Variants in HDAC9 observed in about 807,000 individuals in gnomAD.
The protein encoded by HDAC9 is histone deacetylase 9.
Under a neutral mutation model 139.4 loss-of-function variants are expected in HDAC9, and 41 were observed. The observed-to-expected ratio is 0.29, with a 90% confidence interval of 0.23 to 0.38. HDAC9 has a LOEUF of 0.38. HDAC9 is among the 10% of genes least tolerant of loss of function. The pLI, the probability that HDAC9 is intolerant of heterozygous loss-of-function variation, is 1.00. For missense variants in HDAC9, 1,147 were observed against 1,297.0 expected, an observed-to-expected ratio of 0.88 and a Z score of 1.78; for synonymous variants, 517 against 476.2, an observed-to-expected ratio of 1.09 and a Z score of -1.12.
chr7:18,264,774 C>T (rs1313698151), intron 2 of HDAC9, among the ~76,000 whole-genome samples: 1 of 152,158 alleles, frequency 6.6e-6, no homozygotes, highest in Non-Finnish European at 1.5e-5. Context: ...TTATTGACAT[C>T]TCAAAGCCCT....
intron 2 of HDAC9, among the ~76,000 whole-genome samples, chr7:18,258,392 T>A (rs1795419157): frequency 6.6e-6 from 1 of 152,172 alleles, no homozygotes; most frequent in African/African-American, 2.4e-5. Context: ...CGAATACTGT[T>A]CTTTAGTGGT....
chr7:18,110,180 A>C (rs115141048), intron 1 of HDAC9, among the ~76,000 whole-genome samples: 11 of 152,298 alleles, frequency 7.2e-5, no homozygotes, highest in African/African-American at 2.6e-4. Flanking sequence ...CTGCAGAACA[A>C]ATGGTTTGTC....
chr7:18,182,416 A>G (rs143772074), intron 2 of HDAC9, among the ~76,000 whole-genome samples: 8 of 152,346 alleles, frequency 5.3e-5, no homozygotes, highest in African/African-American at 1.9e-4. Context: ...AAAGAAGAAT[A>G]GCCAATATGT....
chr7:18,509,022 T>C (rs1471014431), intron 2 of HDAC9, among the ~76,000 whole-genome samples: 1 of 152,218 alleles, frequency 6.6e-6, no homozygotes, highest in East Asian at 1.9e-4. Flanking sequence ...TATAAGGAAG[T>C]ATTTCATGAA....
At chr7:18,413,100 A>G (rs1339861262) in intron 1 of HDAC9, among the ~76,000 whole-genome samples, 3 of 152,230 alleles carry the variant, frequency 2.0e-5, no homozygotes, top group Admixed American at 6.5e-5. Flanking sequence ...GGCATTCATT[A>G]GTTTTAGCTA....
At chr7:18,243,022 A>C (rs77678783) in intron 2 of HDAC9, among the ~76,000 whole-genome samples, 4 of 126,160 alleles carry the variant, frequency 3.2e-5, no homozygotes, top group African/African-American at 1.2e-4. Context: ...AAAGATGTGG[A>C]AGGTTACTTA....
intron 2 of HDAC9, among the ~76,000 whole-genome samples, chr7:18,172,080 T>G (rs1387996732): frequency 1.3e-5 from 2 of 152,196 alleles, no homozygotes; most frequent in Non-Finnish European, 2.9e-5. Context: ...GTTCTGGACT[T>G]TTTTTGGTTG....
At chr7:18,718,398 A>AT (rs1189976424) in intron 12 of HDAC9, among the ~76,000 whole-genome samples, 3 of 151,258 alleles carry the variant, frequency 2.0e-5, no homozygotes, top group South Asian at 4.2e-4. Flanking sequence ...CGCCTCGCTA[A>AT]TTTTTTTGCA....
Position 18,473,718 on chromosome 7 carries a change from T to C in HDAC9, c.-41-22544T>C, listed in dbSNP as rs193129093. 1.5e-3 allele frequency among the ~76,000 whole-genome samples: 224 copies of C among 152,360 alleles called. 1 individual carries two copies. The highest frequency in any genetic ancestry group is 5.2e-3 in the African/African-American group (215 of 41,580). On this transcript the variant is annotated intron_variant, in intron 1 of 3. Coordinates refer to the HDAC9 transcript ENST00000413509. ...AGCACACTTAAGTTTTCATATCAAA[T>C]AGTAATACAGCTCACCTCTCACTGA...
At chr7:18,876,175 G>A (rs1450537716) in intron 22 of HDAC9, among the ~76,000 whole-genome samples, 1 of 152,172 alleles carries the variant, frequency 6.6e-6, no homozygotes, top group East Asian at 1.9e-4. Flanking sequence ...TATAGGAGAC[G>A]TGGGTTCTAC....
At chr7:18,884,103 G>A (rs960160473) in intron 22 of HDAC9, among the ~76,000 whole-genome samples, 13 of 152,250 alleles carry the variant, frequency 8.5e-5, no homozygotes, top group African/African-American at 2.9e-4. Flanking sequence ...AATGAACATT[G>A]TTAAAGTTTA....
intron 8 of HDAC9, among the ~76,000 whole-genome samples, chr7:18,642,209 C>A (rs1190480585): frequency 6.6e-6 from 1 of 152,046 alleles, no homozygotes; most frequent in Non-Finnish European, 1.5e-5. Flanking sequence ...AGAATTGTCT[C>A]CATGACTTGA....
At chr7:18,199,270 A>C (rs1347324762) in intron 2 of HDAC9, among the ~76,000 whole-genome samples, 1 of 152,080 alleles carries the variant, frequency 6.6e-6, no homozygotes, top group Non-Finnish European at 1.5e-5. Context: ...TATAATTTAA[A>C]ATTATTTATT....
intron 13 of HDAC9, among the ~76,000 whole-genome samples, chr7:18,746,932 G>T (rs908911615): frequency 2.0e-5 from 3 of 152,186 alleles, no homozygotes; most frequent in Non-Finnish European, 4.4e-5. Context: ...CTAATTTAGA[G>T]ATCTCAGGGT....
intron 2 of HDAC9, among the ~76,000 whole-genome samples, chr7:18,180,485 C>G (rs921356013): frequency 1.3e-4 from 20 of 151,904 alleles, no homozygotes; most frequent in Non-Finnish European, 2.5e-4. Context: ...TTACAATTTC[C>G]ATCCTGCGGC....
chr7:18,937,407 G>T (rs554001012), intron 23 of HDAC9, among the ~76,000 whole-genome samples: 2 of 152,132 alleles, frequency 1.3e-5, no homozygotes, highest in Admixed American at 6.5e-5. Flanking sequence ...TCAACAAAGT[G>T]CTGCTGTTTC....
intron 12 of HDAC9, among the ~76,000 whole-genome samples, chr7:18,678,950 C>A (rs4484585): frequency 0.17 from 25,480 of 151,752 alleles, 3,511 homozygotes; most frequent in East Asian, 0.36. Context: ...TCTCTTGCTC[C>A]CTAATTTGTG....
At chr7:18,279,521 A>T (rs1007457287) in intron 2 of HDAC9, among the ~76,000 whole-genome samples, 1 of 151,736 alleles carries the variant, frequency 6.6e-6, no homozygotes, top group Non-Finnish European at 1.5e-5. Flanking sequence ...TGGAGTGCGC[A>T]GTGGCGTGAT....
At chr7:18,826,768 G>A (rs1274720996) in intron 17 of HDAC9, among the ~76,000 whole-genome samples, 2 of 146,616 alleles carry the variant, frequency 1.4e-5, no homozygotes, top group Non-Finnish European at 3.0e-5. Context: ...CTTCCATAAT[G>A]CTTTCTAAAA....
Sources: gnomAD v4.1 joint callset for allele counts (sites outside exome capture counted in the v4.1 genomes callset) on GRCh38, gnomAD v4.1.1 for gene constraint, MANE v1.5 for transcripts, NCBI Gene and HGNC (gene_info 2026-07-23, HGNC 2026-07-21) for gene names.